Variants in GRM1 observed in about 807,000 individuals in gnomAD.
GRM1 encodes the protein glutamate metabotropic receptor 1.
In GRM1, 33 loss-of-function variants were observed where a neutral mutation model predicts 90.9. The observed-to-expected ratio is 0.36, with a 90% CI of 0.28 to 0.49. The LOEUF (loss-of-function observed/expected upper bound fraction) is 0.49, where lower values mean the gene tolerates loss of function less well. Among genes scored for constraint, GRM1 ranks in the 20% least tolerant of loss-of-function variants. GRM1 has a pLI of 0.99. For synonymous variants in GRM1, 700 were observed against 613.2 expected, an observed-to-expected ratio of 1.14 and a Z score of -2.09; for missense variants, 1,190 against 1,534.3, an observed-to-expected ratio of 0.78 and a Z score of 3.75.
At chr6:146,370,985 TTA>T (rs1243162981) in intron 5 of GRM1, among the ~76,000 whole-genome samples, 1 of 152,122 alleles carries the variant, frequency 6.6e-6, no homozygotes, top group African/African-American at 2.4e-5. Flanking sequence ...TATGATATGT[TTA>T]TGTAGTTCTA....
chr6:146,035,780 A>AT (rs989556027), intron 1 of GRM1, among the ~76,000 whole-genome samples: 2 of 151,734 alleles, frequency 1.3e-5, no homozygotes, highest in African/African-American at 2.4e-5. Context: ...TTTTATCTTT[A>AT]TTTTTTCTTT....
intron 7 of GRM1, among the ~76,000 whole-genome samples, chr6:146,424,844 A>C (rs1026427080): frequency 2.6e-5 from 4 of 152,240 alleles, no homozygotes; most frequent in African/African-American, 9.6e-5. Flanking sequence ...AAGTTGCTTG[A>C]ATATCATTTT....
At chr6:146,213,737 T>C (rs1187827716) in intron 2 of GRM1, among the ~76,000 whole-genome samples, 2 of 150,520 alleles carry the variant, frequency 1.3e-5, no homozygotes, top group Non-Finnish European at 3.0e-5. Context: ...GATAGATAGA[T>C]GGATGAAAGG....
intron 7 of GRM1, among the ~76,000 whole-genome samples, chr6:146,424,326 G>A (rs941512156): frequency 6.6e-6 from 1 of 152,220 alleles, no homozygotes; most frequent in Non-Finnish European, 1.5e-5. Context: ...ATCTTGTCGG[G>A]ACTTATGCCC....
intron 2 of GRM1, among the ~76,000 whole-genome samples, chr6:146,164,839 C>T (rs1270530919): frequency 6.6e-6 from 1 of 152,082 alleles, no homozygotes; most frequent in African/African-American, 2.4e-5. Context: ...AGTTCACATT[C>T]TGCCTTGTTA....
intron 1 of GRM1, among the ~76,000 whole-genome samples, chr6:146,050,620 C>T (rs1265787670): frequency 6.6e-6 from 1 of 151,892 alleles, no homozygotes; most frequent in East Asian, 1.9e-4. Context: ...TGGAAATTTC[C>T]AGGGCATTAG....
chr6:146,082,656 C>T (rs1776403248), intron 1 of GRM1, among the ~76,000 whole-genome samples: 1 of 152,184 alleles, frequency 6.6e-6, no homozygotes, highest in South Asian at 2.1e-4. Flanking sequence ...TCCTCATCCT[C>T]ACCTGTTCAA....
intron 2 of GRM1, chr6:146,171,844 A>G: frequency 3.9e-6 from 1 of 258,080 alleles, no homozygotes; most frequent in Non-Finnish European, 8.2e-6. Flanking sequence ...GCATGGCATC[A>G]TAAGGAGGAT....
chr6:146,029,563 G>A lies in GRM1; in HGVS notation c.46G>A (p.Val16Met), dbSNP rs538460343. The A allele has an allele frequency of 6.2e-7, 1 of 1,614,102 alleles. No individual in the cohort carries two copies. The highest frequency in any genetic ancestry group is 8.5e-7 in the Non-Finnish European group (1 of 1,180,002). ...LFFFPAIFLE[V>M]SLLPRSPGRK... ...TTTTTTCCCAGCGATCTTTTTGGAG[G>A]TGTCCCTTCTCCCCAGAAGCCCCGG... The change falls in exon 1 of 8, where the codon GTG becomes ATG. Residue 16 changes from valine to methionine, a missense_variant. By Grantham distance (21) the Val-to-Met change is conservative. Transcript: ENST00000282753.
chr6:146,388,593 G>A (rs1288090431), intron 6 of GRM1, among the ~76,000 whole-genome samples: 1 of 152,038 alleles, frequency 6.6e-6, no homozygotes, highest in Non-Finnish European at 1.5e-5. Flanking sequence ...CCTTTTTAAA[G>A]AGAAGAAAAG....
At chr6:146,037,565 CT>C (rs1380135445) in intron 1 of GRM1, among the ~76,000 whole-genome samples, 11 of 151,940 alleles carry the variant, frequency 7.2e-5, no homozygotes, top group Admixed American at 1.3e-4. Flanking sequence ...GTCTTTCCAA[CT>C]TTGCTGCTGT....
chr6:146,286,963 A>T (rs1303310225), intron 2 of GRM1, among the ~76,000 whole-genome samples: 1 of 152,216 alleles, frequency 6.6e-6, no homozygotes, highest in African/African-American at 2.4e-5. Flanking sequence ...GAAGTGTATA[A>T]ACATTAAGCA....
chr6:146,366,859 A>C (rs1775709399), intron 5 of GRM1, among the ~76,000 whole-genome samples: 1 of 152,050 alleles, frequency 6.6e-6, no homozygotes, highest in African/African-American at 2.4e-5. Context: ...TTGTCTCTTC[A>C]CTGTGTTAAT....
chr6:146,251,237 A>G (rs1342104284), intron 2 of GRM1, among the ~76,000 whole-genome samples: 1 of 152,224 alleles, frequency 6.6e-6, no homozygotes, highest in Non-Finnish European at 1.5e-5. Context: ...ACAATCAGGC[A>G]TCTTAAATAC....
At chr6:146,345,678 C>T (rs189169948) in intron 3 of GRM1, among the ~76,000 whole-genome samples, 1 of 152,216 alleles carries the variant, frequency 6.6e-6, no homozygotes, top group East Asian at 1.9e-4. Flanking sequence ...TTCCTATCAC[C>T]CATAAATAAA....
intron 3 of GRM1, among the ~76,000 whole-genome samples, chr6:146,309,459 A>G (rs1326405476): frequency 6.6e-6 from 1 of 151,976 alleles, no homozygotes; most frequent in African/African-American, 2.4e-5. Context: ...GGCAGCTCCT[A>G]CTAACGCTGC....
At chr6:146,080,812 C>A (rs879633529) in intron 1 of GRM1, among the ~76,000 whole-genome samples, 2 of 152,186 alleles carry the variant, frequency 1.3e-5, no homozygotes, top group Non-Finnish European at 2.9e-5. Context: ...TCTGGGCAGA[C>A]AAGGCTTAGA....
At chr6:146,413,578 G>A (rs964636440) in intron 7 of GRM1, among the ~76,000 whole-genome samples, 2 of 151,966 alleles carry the variant, frequency 1.3e-5, no homozygotes, top group Admixed American at 6.5e-5. Flanking sequence ...TGCTATTGAA[G>A]TATAATTATA....
chr6:146,407,631 G>A (rs945810010), intron 7 of GRM1, among the ~76,000 whole-genome samples: 3 of 152,232 alleles, frequency 2.0e-5, no homozygotes, highest in African/African-American at 7.2e-5. Flanking sequence ...AATGGCCCAA[G>A]GTGGGTACAT....
Sources: gnomAD v4.1 joint callset for allele counts (sites outside exome capture counted in the v4.1 genomes callset) on GRCh38, gnomAD v4.1.1 for gene constraint, MANE v1.5 for transcripts, NCBI Gene and HGNC (gene_info 2026-07-23, HGNC 2026-07-21) for gene names.